The following SPOCK3 variants were observed in gnomAD, a reference collection of about 807,000 sequenced individuals.
The protein encoded by SPOCK3 is SPARC (osteonectin), cwcv and kazal like domains proteoglycan 3.
SPOCK3 carries 30 observed loss-of-function variants against 56.6 expected under a neutral mutation model. The ratio of observed to expected loss-of-function variants is 0.53; its 90% CI spans 0.40 to 0.72. The LOEUF (loss-of-function observed/expected upper bound fraction) is 0.72, where lower values mean the gene tolerates loss of function less well. Ranked by LOEUF, SPOCK3 falls within the 30% of genes least tolerant of loss-of-function variation. The probability of loss-of-function intolerance (pLI) is 0.00; values close to 1 mark genes in which losing one functional copy is unlikely to be tolerated. For synonymous variants in SPOCK3, 196 were observed against 183.3 expected, an observed-to-expected ratio of 1.07 and a Z score of -0.56; for missense variants, 527 against 530.0, an observed-to-expected ratio of 0.99 and a Z score of 0.06.
chr4:167,036,365 C>T (rs1752754539), intron 3 of SPOCK3, among the ~76,000 whole-genome samples: 1 of 151,964 alleles, frequency 6.6e-6, no homozygotes, highest in African/African-American at 2.4e-5. Flanking sequence ...TTCTTTTTTT[C>T]CTTGACCTTA....
At chr4:166,950,733 A>C (rs1207074258) in intron 4 of SPOCK3, among the ~76,000 whole-genome samples, 1 of 146,908 alleles carries the variant, frequency 6.8e-6, no homozygotes, top group Admixed American at 6.8e-5. Flanking sequence ...ATAACAAACT[A>C]TCTCTCAGAC....
chr4:167,209,363 G>C (rs1734647662), intron 2 of SPOCK3, among the ~76,000 whole-genome samples: 2 of 151,948 alleles, frequency 1.3e-5, no homozygotes, highest in Admixed American at 1.3e-4. Flanking sequence ...TTTTTCACTA[G>C]TACTAGAATG....
intron 7 of SPOCK3, among the ~76,000 whole-genome samples, chr4:166,762,608 G>C (rs945997029): frequency 2.6e-5 from 4 of 152,030 alleles, no homozygotes; most frequent in African/African-American, 4.8e-5. Flanking sequence ...TGTACTACAG[G>C]GTTCTGTAAG....
chr4:167,234,735 G>C (rs1359783227), upstream of SPOCK3: 1 of 161,670 alleles, frequency 6.2e-6, no homozygotes, highest in Non-Finnish European at 1.4e-5. Context: ...CTCCGGATAG[G>C]ACGCTTGGCT....
At chr4:167,046,303 G>A (rs954363578) in intron 3 of SPOCK3, among the ~76,000 whole-genome samples, 1 of 150,846 alleles carries the variant, frequency 6.6e-6, no homozygotes, top group African/African-American at 2.4e-5. Context: ...AGATGTGGGT[G>A]GTTTTCTTTT....
chr4:166,935,448 T>G (rs763480949), intron 4 of SPOCK3, among the ~76,000 whole-genome samples: 16 of 152,170 alleles, frequency 1.1e-4, no homozygotes, highest in Non-Finnish European at 2.2e-4. Flanking sequence ...GTTACAGCTT[T>G]TGCTTTAATA....
intron 2 of SPOCK3, among the ~76,000 whole-genome samples, chr4:167,191,575 T>C (rs1298283166): frequency 2.1e-5 from 3 of 145,934 alleles, no homozygotes; most frequent in African/African-American, 5.2e-5. Context: ...TTGTTTGCTT[T>C]CTTTTTCAGA....
At chr4:166,991,569 C>A (rs1193236289) in intron 4 of SPOCK3, among the ~76,000 whole-genome samples, 1 of 151,822 alleles carries the variant, frequency 6.6e-6, no homozygotes, top group Non-Finnish European at 1.5e-5. Flanking sequence ...AGGGTTTCAC[C>A]ATATTGGCCA....
chr4:167,058,783 G>A (rs1477050640), intron 3 of SPOCK3, among the ~76,000 whole-genome samples: 1 of 152,100 alleles, frequency 6.6e-6, no homozygotes, highest in Non-Finnish European at 1.5e-5. Context: ...AAACAGCATG[G>A]TACTGGTACC....
In SPOCK3 at chr4:167,222,727, GAATATATA is replaced by G. The variant is rs1256638240; in HGVS notation, c.189+11250_189+11257del. ...TAAACATAGATATATATTGATATAT[GAATATATA>G]AATATATAAACATAGATATATATTG... On this transcript the variant is annotated intron_variant, in intron 2 of 10. Coordinates refer to ENST00000357545, the MANE Select transcript of SPOCK3 (RefSeq NM_001040159.2). 4.7e-4 allele frequency among the ~76,000 whole-genome samples: 58 copies of G among 124,730 alleles called. 1 individual carries two copies. Among genetic ancestry groups the G allele is most frequent in the African/African-American group, 1.5e-3 (50 of 32,262 alleles). The allele number at this position is 124,730 out of a possible 152,430, so 81.8% of individuals were successfully genotyped here.
At chr4:166,772,995 T>C (rs1739128735) in intron 7 of SPOCK3, among the ~76,000 whole-genome samples, 1 of 152,154 alleles carries the variant, frequency 6.6e-6, no homozygotes, top group South Asian at 2.1e-4. Context: ...AGTCACTGTG[T>C]TGCCCATGCT....
chr4:167,198,682 T>A (rs1243090456), intron 2 of SPOCK3, among the ~76,000 whole-genome samples: 6 of 152,170 alleles, frequency 3.9e-5, no homozygotes, highest in Non-Finnish European at 8.8e-5. Flanking sequence ...TTAGTGTCCA[T>A]GCTTTGAATC....
At chr4:166,937,158 C>T (rs928420201) in intron 4 of SPOCK3, among the ~76,000 whole-genome samples, 1 of 151,624 alleles carries the variant, frequency 6.6e-6, no homozygotes, top group Non-Finnish European at 1.5e-5. Context: ...TGGTAGATAC[C>T]AAAAATAAGC....
intron 5 of SPOCK3, among the ~76,000 whole-genome samples, chr4:166,895,027 AG>A (rs1185895125): frequency 6.6e-6 from 1 of 152,164 alleles, no homozygotes; most frequent in Admixed American, 6.6e-5. Flanking sequence ...AAAGGCTAGT[AG>A]GTTTATCTTA....
chr4:166,836,183 C>T (rs529280827), intron 6 of SPOCK3, among the ~76,000 whole-genome samples: 16 of 152,274 alleles, frequency 1.1e-4, no homozygotes, highest in Middle Eastern at 3.4e-3. Flanking sequence ...GAAGTGAGGA[C>T]CCACTATATC....
intron 2 of SPOCK3, among the ~76,000 whole-genome samples, chr4:167,194,746 T>C (rs555109478): frequency 6.6e-6 from 1 of 152,300 alleles, no homozygotes; most frequent in South Asian, 2.1e-4. Flanking sequence ...GGATCCTGTC[T>C]GTTCCCTGAG....
chr4:166,998,677 GC>G (rs1748641514), intron 4 of SPOCK3, among the ~76,000 whole-genome samples: 1 of 152,092 alleles, frequency 6.6e-6, no homozygotes, highest in Non-Finnish European at 1.5e-5. Context: ...GGTTCACGGG[GC>G]CAGGGGTGAA....
At chr4:167,127,636 C>T (rs1473194268) in intron 2 of SPOCK3, among the ~76,000 whole-genome samples, 1 of 152,094 alleles carries the variant, frequency 6.6e-6, no homozygotes, top group African/African-American at 2.4e-5. Context: ...CCGTGTTGGC[C>T]AGGCTGGTCT....
intron 2 of SPOCK3, among the ~76,000 whole-genome samples, chr4:167,225,378 G>A (rs1056112015): frequency 3.9e-5 from 6 of 152,036 alleles, no homozygotes; most frequent in African/African-American, 1.4e-4. Flanking sequence ...GCAGAAAATC[G>A]AAGGCCAGAT....
Sources: gnomAD v4.1 joint callset for allele counts (sites outside exome capture counted in the v4.1 genomes callset) on GRCh38, gnomAD v4.1.1 for gene constraint, MANE v1.5 for transcripts, NCBI Gene and HGNC (gene_info 2026-07-23, HGNC 2026-07-21) for gene names.